Variants in LAMA3 observed in about 807,000 individuals in gnomAD.
LAMA3 encodes laminin subunit alpha-3.
In LAMA3, 281 loss-of-function variants were observed where a neutral mutation model predicts 402.0. The ratio of observed to expected loss-of-function variants is 0.70; its 90% CI spans 0.63 to 0.77. The LOEUF (loss-of-function observed/expected upper bound fraction) is 0.77, where lower values mean the gene tolerates loss of function less well. Among genes scored for constraint, LAMA3 ranks in the 30% least tolerant of loss-of-function variants. LAMA3 has a pLI of 0.00. For synonymous variants in LAMA3, 1,431 were observed against 1,558.4 expected, an observed-to-expected ratio of 0.92 and a Z score of 1.93; for missense variants, 3,840 against 4,215.5, an observed-to-expected ratio of 0.91 and a Z score of 2.47.
At chr18:23,913,259 A>G (rs558546450) in intron 56 of LAMA3, among the ~76,000 whole-genome samples, 22 of 152,302 alleles carry the variant, frequency 1.4e-4, no homozygotes, top group African/African-American at 5.1e-4. Flanking sequence ...GCTCCTCCTC[A>G]CAGAATTGTG....
At chr18:23,846,645 G>A in intron 31 of LAMA3, 137 bp downstream of exon 31, 1 of 859,920 alleles carries the variant, frequency 1.2e-6, no homozygotes, top group Non-Finnish European at 1.9e-6. Context: ...TGATTCAGGA[G>A]ACTGGGCTGG....
At chr18:23,780,598 A>G (rs1436621161) in intron 11 of LAMA3, among the ~76,000 whole-genome samples, 1 of 152,216 alleles carries the variant, frequency 6.6e-6, no homozygotes, top group Non-Finnish European at 1.5e-5. Context: ...GCGGGCAGCC[A>G]GCTCAGATGT....
rs1009936195 is a variant in LAMA3 at position 23,861,638 on chromosome 18, C to T, written c.4423-8C>T. 1 of 1,614,212 alleles carries T rather than the reference C, an allele frequency of 6.2e-7. No individual in the cohort carries two copies. The highest frequency in any genetic ancestry group is 8.5e-7 in the Non-Finnish European group (1 of 1,180,026). ...GTTTCCATCCCTTGCTTCTCTCCCT[C>T]TTTCCAGTTTGTGGATATGCTGGGC... On this transcript the variant is annotated splice_region_variant and splice_polypyrimidine_tract_variant and intron_variant, in intron 34 of 74. Transcript: ENST00000313654.
chr18:23,867,792 C>T (rs1348278064), intron 36 of LAMA3, 42 bp from the exon 37 acceptor site: 4 of 1,408,326 alleles, frequency 2.8e-6, no homozygotes, highest in Non-Finnish European at 4.0e-6. Context: ...CTTGAAAGAT[C>T]CCAGTGAAGG....
chr18:23,940,939 C>CT (rs370811901), intron 68 of LAMA3, among the ~76,000 whole-genome samples: 94,219 of 133,142 alleles, frequency 0.71, 36,155 homozygotes, highest in Non-Finnish European at 0.87. Context: ...TCTTTCTTTT[C>CT]TTTTTTTTTT....
At chr18:23,901,790 A>G (rs2081078497) in intron 48 of LAMA3, among the ~76,000 whole-genome samples, 2 of 152,208 alleles carry the variant, frequency 1.3e-5, no homozygotes, top group African/African-American at 2.4e-5. Flanking sequence ...AGAAGCTGCA[A>G]TGACAGAATT....
At chr18:23,894,762 C>T in intron 43 of LAMA3, 145 bp from the exon 44 acceptor site, 1 of 965,342 alleles carries the variant, frequency 1.0e-6, no homozygotes, top group Non-Finnish European at 1.6e-6. Flanking sequence ...TCAGAATCCA[C>T]ATCCATCCCT....
chr18:23,764,198 CTACA>C (rs1037891858), intron 8 of LAMA3, among the ~76,000 whole-genome samples: 4 of 152,172 alleles, frequency 2.6e-5, no homozygotes, highest in African/African-American at 7.2e-5. Flanking sequence ...GAAACCAGGG[CTACA>C]TACCCATAGA....
intron 61 of LAMA3, 43 bp downstream of exon 61, chr18:23,921,097 T>C (rs777432484): frequency 1.2e-6 from 2 of 1,606,686 alleles, no homozygotes; most frequent in Admixed American, 1.7e-5. Context: ...TAAATGTCCT[T>C]AGTCCTTTAA....
At chr18:23,842,841 C>T in intron 29 of LAMA3, 91 bp downstream of exon 29, 1 of 1,510,968 alleles carries the variant, frequency 6.6e-7, no homozygotes, top group Non-Finnish European at 9.2e-7. Flanking sequence ...ATAATTCTTC[C>T]AAGGAATTGA....
At chr18:23,904,111 A>G in intron 50 of LAMA3, 24 bp downstream of exon 50, 1 of 1,612,484 alleles carries the variant, frequency 6.2e-7, no homozygotes, top group Non-Finnish European at 8.5e-7. Flanking sequence ...CCAGGAGACC[A>G]GAAGGGCACG....
intron 47 of LAMA3, among the ~76,000 whole-genome samples, chr18:23,900,014 AT>A (rs1398638626): frequency 6.6e-6 from 1 of 152,066 alleles, no homozygotes; most frequent in East Asian, 1.9e-4. Context: ...ATCGAAGGTA[AT>A]TTTATACAAT....
At chr18:23,884,728 A>C (rs1324132029) in intron 40 of LAMA3, 45 bp from the exon 41 acceptor site, 1 of 1,478,456 alleles carries the variant, frequency 6.8e-7, no homozygotes, top group South Asian at 1.1e-5. Context: ...CATAAATCCT[A>C]TCGATCTGTG....
At chr18:23,782,207 G>A (rs777256722) in intron 11 of LAMA3, among the ~76,000 whole-genome samples, 43 of 152,040 alleles carry the variant, frequency 2.8e-4, no homozygotes, top group Non-Finnish European at 1.2e-4. Flanking sequence ...AGTCTTTTAC[G>A]ATCTTCCTTA....
chr18:23,795,673 C>A (rs567086158), intron 12 of LAMA3, among the ~76,000 whole-genome samples: 100 of 151,852 alleles, frequency 6.6e-4, no homozygotes, highest in Non-Finnish European at 1.2e-3. Context: ...ATAGAAAAGT[C>A]CGGGCATATT....
At chr18:23,886,878 G>A (rs1175474561) in intron 41 of LAMA3, among the ~76,000 whole-genome samples, 1 of 152,182 alleles carries the variant, frequency 6.6e-6, no homozygotes, top group East Asian at 1.9e-4. Context: ...AGGTTAGGTT[G>A]GGGAAGCAAG....
intron 2 of LAMA3, among the ~76,000 whole-genome samples, chr18:23,740,779 T>C (rs2061548545): frequency 6.6e-6 from 1 of 152,098 alleles, no homozygotes; most frequent in Non-Finnish European, 1.5e-5. Context: ...TTGTCAGCAA[T>C]GCAGTGAGTT....
chr18:23,940,421 C>A (rs2145474192), intron 68 of LAMA3, among the ~76,000 whole-genome samples: 1 of 152,346 alleles, frequency 6.6e-6, no homozygotes, highest in East Asian at 1.9e-4. Flanking sequence ...CCCCACTGTG[C>A]TCCCTGCAGC....
intron 13 of LAMA3, among the ~76,000 whole-genome samples, chr18:23,811,194 A>G (rs2063062223): frequency 6.6e-6 from 1 of 152,196 alleles, no homozygotes; most frequent in South Asian, 2.1e-4. Flanking sequence ...CAGAGGGGAC[A>G]GAAATGAGAT....
Sources: allele counts gnomAD v4.1 joint callset (sites outside exome capture counted in the v4.1 genomes callset), GRCh38; gene constraint gnomAD v4.1.1; transcripts MANE v1.5; gene names NCBI Gene and HGNC (gene_info 2026-07-23, HGNC 2026-07-21).